The following MLH3 variants were observed in gnomAD, a reference collection of about 807,000 sequenced individuals.
MLH3 encodes DNA mismatch repair protein Mlh3.
A neutral mutation model predicts 122.2 loss-of-function variants in MLH3; 82 were observed. That is an observed-to-expected ratio of 0.67 (90% CI 0.56 to 0.81). The LOEUF (loss-of-function observed/expected upper bound fraction) is 0.81, where lower values mean the gene tolerates loss of function less well. Among genes scored for constraint, MLH3 ranks in the 30% least tolerant of loss-of-function variants. The probability of loss-of-function intolerance (pLI) is 0.00; values close to 1 mark genes in which losing one functional copy is unlikely to be tolerated. For synonymous variants in MLH3, 524 were observed against 599.5 expected, an observed-to-expected ratio of 0.87 and a Z score of 1.84; for missense variants, 1,539 against 1,714.5, an observed-to-expected ratio of 0.90 and a Z score of 1.81.
At chr14:75,044,665 C>T (rs1360276924) in intron 2 of MLH3, among the ~76,000 whole-genome samples, 1 of 152,068 alleles carries the variant, frequency 6.6e-6, no homozygotes, top group African/African-American at 2.4e-5. Flanking sequence ...TGAAATACTA[C>T]TGAAGTTACT....
chr14:75,015,429 T>C lies in MLH3; in HGVS notation c.*1653A>G, dbSNP rs1040112077. 5.6e-6 allele frequency: 1 copy of C among 178,752 alleles called. No individual in the cohort carries two copies. Among genetic ancestry groups the C allele is most frequent in the South Asian group, 2.0e-4 (1 of 5,042 alleles). 11.1% of individuals were successfully genotyped at this position (178,752 alleles called of 1,614,324 possible). ...AATCATAAGAGGCACTGAGACACTT[T>C]TTAAAATCCCTCAAATTGGTCTGGC... On this transcript the variant is annotated 3_prime_UTR_variant, in exon 13 of 13. Transcript: ENST00000355774.
intron 4 of MLH3, among the ~76,000 whole-genome samples, 193 bp from the exon 5 acceptor site, chr14:75,040,208 G>C (rs1266642999): frequency 1.3e-5 from 2 of 151,628 alleles, no homozygotes; most frequent in African/African-American, 2.4e-5. Flanking sequence ...TCAGCACTTT[G>C]GGAGGCTGAG....
chr14:75,034,627 CAT>C (rs1891267245), intron 6 of MLH3, among the ~76,000 whole-genome samples: 2 of 151,688 alleles, frequency 1.3e-5, no homozygotes, highest in South Asian at 4.2e-4. Context: ...TTTTCCCAAC[CAT>C]TAAAAAATGT....
chr14:75,041,404 C>A (rs1262700409), intron 4 of MLH3, among the ~76,000 whole-genome samples: 3 of 152,146 alleles, frequency 2.0e-5, no homozygotes, highest in East Asian at 3.9e-4. Context: ...ACAAAATTCG[C>A]TGGGCGTGGT....
intron 9 of MLH3, among the ~76,000 whole-genome samples, chr14:75,027,689 A>AG (rs34427847): frequency 7.0e-6 from 1 of 143,148 alleles, no homozygotes; most frequent in Non-Finnish European, 1.5e-5. Flanking sequence ...AAAAAAAAAA[A>AG]AAAAACCCAA....
At chr14:75,020,665 A>G (rs1378115320) in intron 11 of MLH3, 1 of 152,120 alleles carries the variant, frequency 6.6e-6, no homozygotes, top group Non-Finnish European at 1.5e-5. Flanking sequence ...ATTATGGCGG[A>G]AGGTGAAGGA....
rs886050776 is a variant in MLH3 at position 75,048,096 on chromosome 14, C to A, written c.1560G>T (p.Glu520Asp). ...SPFQTPCHFE[E>D]SGQDLEIWKE... is the part of the protein sequence containing the mutation. ...TCCATATTTCTAGATCCTGCCCACT[C>A]TCCTCAAAGTGACATGGTGTCTGAA... is the stretch of plus-strand genomic sequence containing the variant. The change falls in exon 2 of 13, where the codon GAG becomes GAT. Residue 520 changes from glutamate (E) to aspartate (D), a missense_variant. Transcript: ENST00000355774. 4.6e-5 allele frequency: 74 copies of A among 1,614,180 alleles called. No homozygotes were observed. The East Asian group carries it at 1.6e-3, about 35-fold the overall frequency.
At chr14:75,032,818 A>T (rs1317626355) in intron 7 of MLH3, among the ~76,000 whole-genome samples, 1 of 92,638 alleles carries the variant, frequency 1.1e-5, no homozygotes, top group Admixed American at 1.4e-4. Flanking sequence ...CCTCATGATG[A>T]GGAAAAGGGT....
rs28756983 is a variant in MLH3, at chr14:75,048,182, G to C, written c.1474C>G (p.Leu492Val). The C allele has an allele frequency of 2.5e-6, 4 of 1,613,808 alleles. No individual in the cohort carries two copies. In the East Asian group the frequency reaches 8.9e-5, roughly 36 times the overall value. ...GGATTTTCTAAAGAGCTATGTTCCA[G>C]GAAAGATTTTTTATGTTTCTCATTT... The part of the protein sequence containing the change: ...GENEKHKKSF[L>V]EHSSLENPCG... The change falls in exon 2 of 13, where the codon CTG (leucine) becomes GTG (valine). Residue 492 changes from leucine to valine, a missense_variant. Leu to Val is a conservative substitution (Grantham distance 32, BLOSUM62 1). Transcript: ENST00000355774.
intron 8 of MLH3, 40 bp from the exon 9 acceptor site, chr14:75,030,742 C>T (rs144074584): frequency 6.1e-5 from 94 of 1,546,026 alleles, no homozygotes; most frequent in Admixed American, 3.8e-4. Context: ...AAAAAGAGTG[C>T]TACTTCATTT....
chr14:75,040,084 C>G, intron 4 of MLH3, 69 bp from the exon 5 acceptor site: 1 of 798,116 alleles, frequency 1.3e-6, no homozygotes, highest in East Asian at 3.0e-5. Flanking sequence ...CCAAAGATAT[C>G]AGAGTGCTTT....
Position 75,038,240 on chromosome 14 carries a change from T to A in MLH3, c.3643+100A>T, listed in dbSNP as rs1891553605. On this transcript the variant is annotated intron_variant, in intron 6 of 12. Coordinates refer to ENST00000355774, the MANE Select transcript of MLH3 (RefSeq NM_001040108.2). ...TTTTAGATTGGCTTTCCCTAATCCA[T>A]CCAAATCATTGAAACTATATTATAT... 4.6e-6 allele frequency: 4 copies of A among 863,414 alleles called. No individual in the cohort carries two copies. In the Admixed American group the frequency reaches 5.4e-5, roughly 12 times the overall value. The allele number at this position is 863,414 out of a possible 1,614,324, so 53.5% of individuals were successfully genotyped here.
At chr14:75,035,704 T>C (rs2139432324) in intron 6 of MLH3, among the ~76,000 whole-genome samples, 1 of 152,314 alleles carries the variant, frequency 6.6e-6, no homozygotes, top group East Asian at 1.9e-4. Flanking sequence ...AGAGAATAAA[T>C]GCTCTAAAAC....
intron 12 of MLH3, among the ~76,000 whole-genome samples, chr14:75,017,841 G>A (rs1265204984): frequency 6.6e-6 from 1 of 152,138 alleles, no homozygotes; most frequent in Non-Finnish European, 1.5e-5. Context: ...AGCAGGGAAA[G>A]GTTAGCAAAA....
At chr14:75,018,025 A>G (rs1890011054) in intron 12 of MLH3, among the ~76,000 whole-genome samples, 1 of 152,048 alleles carries the variant, frequency 6.6e-6, no homozygotes, top group Non-Finnish European at 1.5e-5. Context: ...CATGCCTGTA[A>G]TCCCAGCTAC....
rs1256975146 is a variant in MLH3 at position 75,015,364 on chromosome 14, GA to G, written c.*1717del. On this transcript the variant is annotated 3_prime_UTR_variant, in exon 13 of 13. Coordinates refer to ENST00000355774, the MANE Select transcript of MLH3 (RefSeq NM_001040108.2). ...TTTTCTAATCCTCTGCTACTCTCAA[GA>G]AAACAGTAGTTGGGATTACATATAG... 3.3e-4 allele frequency: 59 copies of G among 176,484 alleles called. No homozygotes were observed. The highest frequency in any genetic ancestry group is 8.5e-5 in the Non-Finnish European group (7 of 81,894). The allele number at this position is 176,484 out of a possible 1,614,324, so 10.9% of individuals were successfully genotyped here.
chr14:75,040,245 C>G (rs561641630), intron 4 of MLH3, among the ~76,000 whole-genome samples: 1 of 151,144 alleles, frequency 6.6e-6, no homozygotes, highest in East Asian at 2.0e-4. Context: ...GTCAGGAGAT[C>G]GAGACCATCC....
At position 75,040,246 on chromosome 14, in the gene MLH3, G is replaced by A. The variant is rs375012243; in HGVS notation, c.3466-231C>T. ...GGGCAGATCACGAGGTCAGGAGATC[G>A]AGACCATCCTGGCTAACATGGTGAA... On this transcript the variant is annotated intron_variant, in intron 4 of 12. Coordinates refer to ENST00000355774, the MANE Select transcript of MLH3 (RefSeq NM_001040108.2). Among the ~76,000 whole-genome samples the A allele has an allele frequency of 8.6e-5, 13 of 151,442 alleles. No homozygotes were observed. The East Asian group carries it at 1.4e-3, about 16-fold the overall frequency.
chr14:75,040,691 A>G (rs895228452), intron 4 of MLH3, among the ~76,000 whole-genome samples: 4 of 152,246 alleles, frequency 2.6e-5, no homozygotes, highest in Admixed American at 2.6e-4. Context: ...ACATTCTGTG[A>G]AAATACACTG....
Sources: allele counts gnomAD v4.1 joint callset (sites outside exome capture counted in the v4.1 genomes callset), GRCh38; gene constraint gnomAD v4.1.1; transcripts MANE v1.5; gene names NCBI Gene and HGNC (gene_info 2026-07-23, HGNC 2026-07-21).